TOGARAM1: variants seen among roughly 807,000 people sequenced by gnomAD.
TOGARAM1 encodes the protein TOG array regulator of axonemal microtubules 1.
A neutral mutation model predicts 166.6 loss-of-function variants in TOGARAM1; 100 were observed. The ratio of observed to expected loss-of-function variants is 0.60; its 90% confidence interval spans 0.51 to 0.71. TOGARAM1 has a LOEUF of 0.71. Among genes scored for constraint, TOGARAM1 ranks in the 30% least tolerant of loss-of-function variants. The pLI is 0.00. For synonymous variants in TOGARAM1, 758 were observed against 763.8 expected, an observed-to-expected ratio of 0.99 and a Z score of 0.13; for missense variants, 2,029 against 2,102.7, an observed-to-expected ratio of 0.96 and a Z score of 0.69.
intron 1 of TOGARAM1, among the ~76,000 whole-genome samples, chr14:44,986,912 A>G (rs1886837335): frequency 6.6e-6 from 1 of 151,156 alleles, no homozygotes; most frequent in Non-Finnish European, 1.5e-5. Flanking sequence ...AGGCTGAGGC[A>G]GAAGAATGGT....
At chr14:45,064,531 C>T (rs1157737326) in intron 16 of TOGARAM1, among the ~76,000 whole-genome samples, 1 of 152,012 alleles carries the variant, frequency 6.6e-6, no homozygotes, top group South Asian at 2.1e-4. Flanking sequence ...AGTGCAATGA[C>T]GTGATCATGG....
rs545086664 is a variant in TOGARAM1, at chr14:45,068,136, C to G, written c.4750-288C>G. Among the ~76,000 whole-genome samples the G allele has an allele frequency of 2.6e-5, 4 of 152,234 alleles. No individual in the cohort carries two copies. In the East Asian group the frequency reaches 7.7e-4, roughly 29 times the overall value. ...ACAAGATGTTTATCATATTTACAGT[C>G]AGTCAGTCAGTCATCTGCCTACTGA... On this transcript the variant is annotated intron_variant, in intron 17 of 19. Transcript: ENST00000361462.
chr14:45,044,971 C>CA, intron 13 of TOGARAM1, 101 bp downstream of exon 13: 1 of 764,356 alleles, frequency 1.3e-6, no homozygotes, highest in Non-Finnish European at 2.0e-6. Context: ...GTATATCAGT[C>CA]AAAAAACATT....
chr14:45,047,199 G>A (rs971182177), intron 14 of TOGARAM1, among the ~76,000 whole-genome samples: 42 of 151,862 alleles, frequency 2.8e-4, no homozygotes, highest in Admixed American at 4.6e-4. Flanking sequence ...AGACAAGCCT[G>A]GCCAACATGG....
chr14:45,028,353 A>G lies in TOGARAM1; in HGVS notation c.3658+24A>G, dbSNP rs1566646598. 5.4e-6 allele frequency: 8 copies of G among 1,482,890 alleles called. No homozygotes were observed. The East Asian group carries it at 2.0e-4, about 36-fold the overall frequency. 91.9% of individuals were successfully genotyped at this position (1,482,890 alleles called of 1,614,324 possible). A position where few individuals can be genotyped will look rare whatever the true frequency, so the allele number is the denominator to read the frequency against. Reference sequence around the variant, plus strand: ...AAGTAAGTGGAATTTAAGTTTTGGTATTTTTTTTTTCTAGTAATTGTCTAA... The same window carrying G: ...AAGTAAGTGGAATTTAAGTTTTGGTGTTTTTTTTTTCTAGTAATTGTCTAA... On this transcript the variant is annotated intron_variant, in intron 10 of 19. Coordinates refer to ENST00000361462, the MANE Select transcript of TOGARAM1 (RefSeq NM_001308120.2).
intron 14 of TOGARAM1, 96 bp from the exon 15 acceptor site, chr14:45,052,340 A>G: frequency 1.1e-6 from 1 of 916,450 alleles, no homozygotes; most frequent in East Asian, 2.5e-5. Flanking sequence ...GATGTTTGAT[A>G]GGTGTTTTTT....
chr14:45,064,090 G>A (rs1018528151), intron 16 of TOGARAM1, among the ~76,000 whole-genome samples: 18 of 151,864 alleles, frequency 1.2e-4, no homozygotes, highest in Non-Finnish European at 1.5e-4. Flanking sequence ...CCCACCCCCC[G>A]CTCTGGTTGT....
At chr14:44,971,681 C>T (rs1286192723) in intron 1 of TOGARAM1, among the ~76,000 whole-genome samples, 1 of 152,206 alleles carries the variant, frequency 6.6e-6, no homozygotes, top group Admixed American at 6.5e-5. Context: ...TATATGCCTT[C>T]AGTGCCATAA....
At chr14:45,044,164 C>G (rs1398785420) in intron 12 of TOGARAM1, among the ~76,000 whole-genome samples, 2 of 152,042 alleles carry the variant, frequency 1.3e-5, no homozygotes, top group African/African-American at 4.8e-5. Context: ...CACACACCAC[C>G]ACACCTGGCT....
chr14:45,004,256 T>G lies in TOGARAM1; in HGVS notation c.2534T>G (p.Val845Gly), dbSNP rs1375754699. ...CCAAAGAAGTCTCAAGATAATTCTGTTAATTTCTCAAATTCCTGGCCTCTT... is the reference window on the plus strand; with the variant it reads ...CCAAAGAAGTCTCAAGATAATTCTGGTAATTTCTCAAATTCCTGGCCTCTT... ...ISPKKSQDNS[V>G]NFSNSWPLKS... The change falls in exon 4 of 20, where the codon GTT becomes GGT. Residue 845 changes from valine to glycine, a missense_variant. Val to Gly is a moderately radical substitution (Grantham distance 109, BLOSUM62 -3). Around this residue, in one of 2 missense-constraint regions of TOGARAM1, gnomAD observed 1,453 missense variants for 1,432.2 expected, o/e 1.01. Coordinates refer to ENST00000361462, the MANE Select transcript of TOGARAM1 (RefSeq NM_001308120.2). 6.2e-7 allele frequency: 1 copy of G among 1,614,016 alleles called. No homozygotes were observed. The highest frequency in any genetic ancestry group is 1.3e-5 in the African/African-American group (1 of 74,934).
chr14:45,051,511 CAG>C (rs1177331917), intron 14 of TOGARAM1, among the ~76,000 whole-genome samples: 1 of 148,374 alleles, frequency 6.7e-6, no homozygotes, highest in African/African-American at 2.5e-5. Context: ...GATTTGAAGA[CAG>C]TGACTTTAAA....
rs531249946 is a variant in TOGARAM1, at chr14:44,991,980, A to G, written c.2047-3766A>G. ...TAGCCAGGCATGGTGGTGTGATCCT[A>G]TAGTCCCAGATACTTTGGTAGCTGA... On this transcript the variant is annotated intron_variant, in intron 1 of 19. Transcript: ENST00000361462. Among the ~76,000 whole-genome samples, 181 of 147,990 alleles carry G rather than the reference A, an allele frequency of 1.2e-3. 2 individuals carry two copies. Among genetic ancestry groups the G allele is most frequent in the Non-Finnish European group, 2.0e-3 (133 of 67,352 alleles).
Position 45,028,336 on chromosome 14 carries a change from G to A in TOGARAM1, c.3658+7G>A. On this transcript the variant is annotated splice_region_variant and intron_variant, in intron 10 of 19. Coordinates refer to ENST00000361462, the MANE Select transcript of TOGARAM1 (RefSeq NM_001308120.2). ...GAGAAAATGGCATCTGAAAGTAAGTGGAATTTAAGTTTTGGTATTTTTTTT... is the reference window on the plus strand; with the variant it reads ...GAGAAAATGGCATCTGAAAGTAAGTAGAATTTAAGTTTTGGTATTTTTTTT... 1.3e-6 allele frequency: 2 copies of A among 1,578,830 alleles called. No homozygotes were observed. The highest frequency in any genetic ancestry group is 1.7e-6 in the Non-Finnish European group (2 of 1,170,804).
At chr14:45,049,595 A>C (rs1416982308) in intron 14 of TOGARAM1, among the ~76,000 whole-genome samples, 2 of 152,132 alleles carry the variant, frequency 1.3e-5, no homozygotes, top group African/African-American at 4.8e-5. Flanking sequence ...GTTTGATTAG[A>C]TTAATTCCAC....
intron 7 of TOGARAM1, among the ~76,000 whole-genome samples, chr14:45,014,563 T>C (rs1880004760): frequency 6.6e-6 from 1 of 152,202 alleles, no homozygotes. Context: ...TTCCTACAAA[T>C]TTATTGTGGC....
rs1366529723 is a variant in TOGARAM1, at chr14:45,074,361, G to C, written c.*800G>C. On this transcript the variant is annotated 3_prime_UTR_variant, in exon 20 of 20. Coordinates refer to ENST00000361462, the MANE Select transcript of TOGARAM1 (RefSeq NM_001308120.2). ...TTCTATAGCTTTTTTCAGAATTCAT[G>C]GGCTTACAAGTACTGTATGCATCTT... 6.6e-6 allele frequency: 1 copy of C among 152,208 alleles called. No homozygotes were observed. The highest frequency in any genetic ancestry group is 2.1e-4 in the South Asian group (1 of 4,806). The allele number at this position is 152,208 out of a possible 1,614,324, so 9.4% of individuals were successfully genotyped here.
At chr14:44,969,110 T>TTTCCTTCCTTCCTTCCTTCCTTCCTTCC (rs369302120) in intron 1 of TOGARAM1, among the ~76,000 whole-genome samples, 20 of 139,208 alleles carry the variant, frequency 1.4e-4, no homozygotes, top group African/African-American at 5.3e-4. Context: ...TCTTTCTTTC[T>TTTCCTTCCTTCCTTCCTTCCTTCCTTCC]TTCCTTCCTT....
intron 11 of TOGARAM1, among the ~76,000 whole-genome samples, chr14:45,041,903 C>T (rs777592679): frequency 3.9e-5 from 6 of 152,212 alleles, no homozygotes; most frequent in Non-Finnish European, 1.5e-5. Flanking sequence ...GCTGTGACTA[C>T]AGGTGCACAC....
intron 1 of TOGARAM1, among the ~76,000 whole-genome samples, chr14:44,980,440 G>T (rs1886467673): frequency 6.6e-6 from 1 of 152,212 alleles, no homozygotes; most frequent in African/African-American, 2.4e-5. Flanking sequence ...GTCAGTGTGG[G>T]TGAGGGAAGC....
Sources: gnomAD v4.1 joint callset for allele counts (sites outside exome capture counted in the v4.1 genomes callset) on GRCh38, gnomAD v4.1.1 for gene constraint, gnomAD v4.1.1 regional missense constraint, MANE v1.5 for transcripts, NCBI Gene and HGNC (gene_info 2026-07-23, HGNC 2026-07-21) for gene names.